The following SDC2 variants were observed in gnomAD, a reference collection of about 807,000 sequenced individuals.
SDC2 encodes syndecan-2.
Under a neutral mutation model 22.2 loss-of-function variants are expected in SDC2, and 13 were observed. The observed-to-expected ratio is 0.59, with a 90% CI of 0.38 to 0.93. The LOEUF (loss-of-function observed/expected upper bound fraction) is 0.93, where lower values mean the gene tolerates loss of function less well. SDC2 is among the 40% of genes least tolerant of loss of function. SDC2 has a pLI of 0.00. For missense variants in SDC2, 235 were observed against 246.8 expected (o/e 0.95, Z 0.32); for synonymous variants, 94 against 92.8 (o/e 1.01, Z -0.07).
chr8:96,602,635 T>C (rs1233949137), intron 3 of SDC2, 107 bp downstream of exon 3: 4 of 1,263,412 alleles, frequency 3.2e-6, no homozygotes, highest in Admixed American at 2.1e-5. Context: ...TTTTTGGAGC[T>C]ACCCATCATG....
chr8:96,537,685 G>T (rs1253275462), intron 1 of SDC2, among the ~76,000 whole-genome samples: 2 of 152,054 alleles, frequency 1.3e-5, no homozygotes, highest in African/African-American at 4.8e-5. Flanking sequence ...TACTGGTTTC[G>T]GATGCTATTT....
intron 1 of SDC2, among the ~76,000 whole-genome samples, chr8:96,566,813 G>A (rs1019530771): frequency 6.6e-6 from 1 of 151,898 alleles, no homozygotes; most frequent in Non-Finnish European, 1.5e-5. Flanking sequence ...AGGGAGGGGG[G>A]TGTGGTTATG....
chr8:96,498,812 A>C (rs538961985), intron 1 of SDC2, among the ~76,000 whole-genome samples: 24 of 152,290 alleles, frequency 1.6e-4, no homozygotes, highest in Admixed American at 4.6e-4. Flanking sequence ...CTGCAGCACT[A>C]ATCTTGATGG....
intron 4 of SDC2, 123 bp downstream of exon 4, chr8:96,608,593 C>A: frequency 2.4e-6 from 2 of 843,136 alleles, no homozygotes; most frequent in Non-Finnish European, 3.6e-6. Flanking sequence ...CTTGTGGGTG[C>A]TTGATTCCAG....
intron 1 of SDC2, among the ~76,000 whole-genome samples, chr8:96,569,875 A>G (rs1044088775): frequency 4.6e-5 from 7 of 151,980 alleles, no homozygotes; most frequent in Admixed American, 4.6e-4. Flanking sequence ...TGTTAGTGCT[A>G]TAAGGGGCCC....
chr8:96,609,287 C>A, intron 4 of SDC2, 98 bp from the exon 5 acceptor site: 1 of 970,276 alleles, frequency 1.0e-6, no homozygotes, highest in Non-Finnish European at 1.4e-6. Context: ...TCAAATTAAG[C>A]CTTTTATAAA....
intron 1 of SDC2, among the ~76,000 whole-genome samples, chr8:96,547,104 G>A (rs1813947071): frequency 6.6e-6 from 1 of 152,140 alleles, no homozygotes. Context: ...ATTTCTAAAT[G>A]GCCTATTGAT....
intron 1 of SDC2, among the ~76,000 whole-genome samples, chr8:96,510,215 T>C (rs888376310): frequency 6.6e-6 from 1 of 152,232 alleles, no homozygotes; most frequent in Non-Finnish European, 1.5e-5. Context: ...TGATTGAATA[T>C]ACTGATCATG....
chr8:96,577,828 C>T (rs892631228), intron 1 of SDC2, among the ~76,000 whole-genome samples: 2 of 152,140 alleles, frequency 1.3e-5, no homozygotes, highest in Non-Finnish European at 2.9e-5. Context: ...TATTTGGAAT[C>T]ATACAGTATG....
chr8:96,588,030 C>T (rs906028999), intron 1 of SDC2, among the ~76,000 whole-genome samples: 1 of 152,152 alleles, frequency 6.6e-6, no homozygotes, highest in Non-Finnish European at 1.5e-5. Context: ...CACAAAATGC[C>T]TGGCACGTAA....
At chr8:96,551,945 G>T (rs948939131) in intron 1 of SDC2, among the ~76,000 whole-genome samples, 5 of 152,162 alleles carry the variant, frequency 3.3e-5, no homozygotes, top group Admixed American at 1.3e-4. Context: ...TGGGGGCAGG[G>T]TATGTATCCC....
At chr8:96,532,412 GTTTTT>G (rs35452131) in intron 1 of SDC2, among the ~76,000 whole-genome samples, 15 of 47,944 alleles carry the variant, frequency 3.1e-4, no homozygotes, top group African/African-American at 1.4e-3. Flanking sequence ...TTATTGAGGC[GTTTTT>G]TTTTTTTTTT....
At chr8:96,532,331 G>A (rs1586283715) in intron 1 of SDC2, among the ~76,000 whole-genome samples, 1 of 149,586 alleles carries the variant, frequency 6.7e-6, no homozygotes, top group African/African-American at 2.5e-5. Context: ...AAAAATAGTC[G>A]CTGCCTAACT....
chr8:96,500,544 C>G lies in SDC2; in HGVS notation c.60+6213C>G, dbSNP rs544793667. On this transcript the variant is annotated intron_variant, in intron 1 of 4. Coordinates refer to ENST00000302190, the MANE Select transcript of SDC2 (RefSeq NM_002998.4). ...GGGCGTGGTGATGGGCACCTATAAT[C>G]CCAGCTACTTGGGAGGCTGAGGCAG... Among the ~76,000 whole-genome samples the G allele has an allele frequency of 5.9e-5, 9 of 151,688 alleles. No homozygotes were observed. In the South Asian group the frequency reaches 1.9e-3, roughly 32 times the overall value.
At chr8:96,551,792 G>A (rs1814031986) in intron 1 of SDC2, among the ~76,000 whole-genome samples, 1 of 152,162 alleles carries the variant, frequency 6.6e-6, no homozygotes. Flanking sequence ...GCTTCCCCCT[G>A]TGATCCCAAT....
chr8:96,532,040 A>G (rs1813670339), intron 1 of SDC2, among the ~76,000 whole-genome samples: 1 of 152,304 alleles, frequency 6.6e-6, no homozygotes, highest in South Asian at 2.1e-4. Context: ...GAGAAGTTCT[A>G]TAATCTCTTT....
chr8:96,605,316 A>T (rs1410217173), intron 3 of SDC2, among the ~76,000 whole-genome samples: 1 of 152,154 alleles, frequency 6.6e-6, no homozygotes, highest in East Asian at 1.9e-4. Context: ...CCTATTTGAG[A>T]TTTCTCTTCC....
At chr8:96,591,773 G>A (rs150495040) in intron 1 of SDC2, among the ~76,000 whole-genome samples, 9 of 152,112 alleles carry the variant, frequency 5.9e-5, no homozygotes, top group Middle Eastern at 3.4e-3. Context: ...CAAGCAGGAC[G>A]GAGAATGGCT....
intron 1 of SDC2, among the ~76,000 whole-genome samples, chr8:96,509,599 C>CA (rs1174875105): frequency 9.9e-6 from 1 of 101,364 alleles, no homozygotes; most frequent in East Asian, 2.1e-4. Flanking sequence ...AAAAACTATT[C>CA]ATGCCTTGGC....
Sources: gnomAD v4.1 joint callset for allele counts (sites outside exome capture counted in the v4.1 genomes callset) on GRCh38, gnomAD v4.1.1 for gene constraint, MANE v1.5 for transcripts, NCBI Gene and HGNC (gene_info 2026-07-23, HGNC 2026-07-21) for gene names.